The following GRM8 variants were observed in gnomAD, a reference collection of about 807,000 sequenced individuals.
GRM8 encodes glutamate metabotropic receptor 8.
GRM8 carries 47 observed loss-of-function variants against 87.2 expected under a neutral mutation model. The ratio of observed to expected loss-of-function variants is 0.54; its 90% CI spans 0.43 to 0.69. The LOEUF (loss-of-function observed/expected upper bound fraction) is 0.69. Ranked by LOEUF, GRM8 falls within the 30% of genes least tolerant of loss-of-function variation. The pLI, the probability that GRM8 is intolerant of heterozygous loss-of-function variation, is 0.00. For synonymous variants in GRM8, 396 were observed against 404.5 expected (o/e 0.98, Z 0.25); for missense variants, 1,019 against 1,139.2 (o/e 0.89, Z 1.52).
intron 3 of GRM8, among the ~76,000 whole-genome samples, chr7:127,031,078 A>G (rs1433200158): frequency 6.6e-6 from 1 of 152,146 alleles, no homozygotes; most frequent in East Asian, 1.9e-4. Context: ...TAATTTCTTC[A>G]GCAGAGGAAC....
chr7:127,012,326 C>T (rs189250170), intron 3 of GRM8, among the ~76,000 whole-genome samples: 19 of 152,132 alleles, frequency 1.2e-4, no homozygotes, highest in Non-Finnish European at 1.9e-4. Context: ...TCTGTATACC[C>T]GGTGTGCCCA....
intron 2 of GRM8, among the ~76,000 whole-genome samples, chr7:127,152,140 G>A (rs1450506248): frequency 2.6e-5 from 4 of 152,074 alleles, no homozygotes; most frequent in Non-Finnish European, 5.9e-5. Flanking sequence ...AGACAGAGTG[G>A]GAAGGGGCCA....
intron 9 of GRM8, among the ~76,000 whole-genome samples, chr7:126,465,541 CATTTA>C (rs1804395847): frequency 6.6e-6 from 1 of 151,610 alleles, no homozygotes; most frequent in Non-Finnish European, 1.5e-5. Flanking sequence ...ATGTAGAGGT[CATTTA>C]TTTTGTTAGA....
chr7:127,085,171 C>T (rs1343549008), intron 3 of GRM8, among the ~76,000 whole-genome samples: 1 of 152,188 alleles, frequency 6.6e-6, no homozygotes, highest in East Asian at 1.9e-4. Context: ...CATAGTATTC[C>T]ATGGTGTATA....
intron 10 of GRM8, among the ~76,000 whole-genome samples, chr7:126,444,774 G>A (rs994242331): frequency 6.6e-6 from 1 of 152,008 alleles, no homozygotes. Context: ...TATATTTAGT[G>A]TCAAAAGTAT....
chr7:126,788,838 T>G (rs541377602), intron 6 of GRM8, among the ~76,000 whole-genome samples: 109 of 152,144 alleles, frequency 7.2e-4, no homozygotes, highest in African/African-American at 2.5e-3. Flanking sequence ...TCCATTGTTT[T>G]GTCTTCAGCT....
At chr7:126,458,121 A>T (rs1295841431) in intron 9 of GRM8, among the ~76,000 whole-genome samples, 1 of 151,120 alleles carries the variant, frequency 6.6e-6, no homozygotes, top group African/African-American at 2.4e-5. Flanking sequence ...AAAAAAAATG[A>T]GAGAAAACTT....
chr7:126,567,779 A>T (rs900147172), intron 8 of GRM8, among the ~76,000 whole-genome samples: 1 of 152,122 alleles, frequency 6.6e-6, no homozygotes, highest in African/African-American at 2.4e-5. Flanking sequence ...AAGAGACAAA[A>T]ATAAGATGTT....
At chr7:127,164,133 A>G (rs1793293452) in intron 2 of GRM8, among the ~76,000 whole-genome samples, 1 of 152,036 alleles carries the variant, frequency 6.6e-6, no homozygotes, top group African/African-American at 2.4e-5. Context: ...AAAGGGGTAT[A>G]GTAACTCCCC....
intron 9 of GRM8, among the ~76,000 whole-genome samples, chr7:126,474,174 T>G (rs1275922515): frequency 1.3e-5 from 2 of 152,152 alleles, no homozygotes; most frequent in Non-Finnish European, 2.9e-5. Flanking sequence ...AAGTGCTAGA[T>G]TTCCAACTAA....
intron 2 of GRM8, among the ~76,000 whole-genome samples, chr7:127,156,740 C>T (rs571887484): frequency 5.3e-5 from 8 of 151,824 alleles, no homozygotes; most frequent in African/African-American, 1.2e-4. Context: ...CTAATGAAAA[C>T]GAGAAATCGA....
At chr7:127,076,531 A>T (rs1303885319) in intron 3 of GRM8, among the ~76,000 whole-genome samples, 1 of 152,016 alleles carries the variant, frequency 6.6e-6, no homozygotes, top group African/African-American at 2.4e-5. Context: ...GTGGTTTCCC[A>T]TTCTTCTCTT....
At chr7:127,012,983 G>A (rs1391300338) in intron 3 of GRM8, among the ~76,000 whole-genome samples, 1 of 152,254 alleles carries the variant, frequency 6.6e-6, no homozygotes, top group South Asian at 2.1e-4. Flanking sequence ...GAGAGGGGAC[G>A]AGAAACAGCT....
intron 7 of GRM8, among the ~76,000 whole-genome samples, chr7:126,618,796 G>C (rs1008840163): frequency 6.6e-6 from 1 of 152,216 alleles, no homozygotes; most frequent in Non-Finnish European, 1.5e-5. Context: ...CTGGCCATCA[G>C]AGAAATGCAA....
intron 9 of GRM8, among the ~76,000 whole-genome samples, chr7:126,521,044 A>G (rs1317532374): frequency 6.6e-6 from 1 of 152,160 alleles, no homozygotes; most frequent in Admixed American, 6.5e-5. Context: ...AGGGTTTATG[A>G]CAGGCTCACT....
chr7:126,773,624 C>T (rs1280131079), intron 6 of GRM8, among the ~76,000 whole-genome samples: 1 of 152,038 alleles, frequency 6.6e-6, no homozygotes, highest in Non-Finnish European at 1.5e-5. Context: ...AAAGATACTC[C>T]TCAGCATTCA....
intron 8 of GRM8, among the ~76,000 whole-genome samples, chr7:126,596,226 T>C (rs1001357199): frequency 6.6e-6 from 1 of 152,164 alleles, no homozygotes; most frequent in Non-Finnish European, 1.5e-5. Context: ...CTTTGAGAAA[T>C]CTCCAAACTG....
chr7:127,242,454 C>G (rs543775578), intron 2 of GRM8, among the ~76,000 whole-genome samples: 1 of 151,800 alleles, frequency 6.6e-6, no homozygotes, highest in Non-Finnish European at 1.5e-5. Flanking sequence ...AACTTTTCAC[C>G]TTTCTCTTTG....
intron 7 of GRM8, among the ~76,000 whole-genome samples, chr7:126,693,317 T>A (rs1013011249): frequency 6.6e-6 from 1 of 152,152 alleles, no homozygotes; most frequent in Admixed American, 6.5e-5. Flanking sequence ...AAATAATAAA[T>A]GCTCCTTATG....
Sources: gnomAD v4.1 joint callset for allele counts (sites outside exome capture counted in the v4.1 genomes callset) on GRCh38, gnomAD v4.1.1 for gene constraint, MANE v1.5 for transcripts, NCBI Gene and HGNC (gene_info 2026-07-23, HGNC 2026-07-21) for gene names.